Variants in CDH4 observed in about 807,000 individuals in gnomAD.
CDH4 encodes cadherin 4.
CDH4 carries 33 observed loss-of-function variants against 86.0 expected under a neutral mutation model. That is an observed-to-expected ratio of 0.38 (90% CI 0.29 to 0.51). The LOEUF is 0.51. Among genes scored for constraint, CDH4 ranks in the 20% least tolerant of loss-of-function variants. The pLI is 0.86. For missense variants in CDH4, 1,114 were observed against 1,307.4 expected (o/e 0.85, Z 2.28); for synonymous variants, 555 against 549.4 (o/e 1.01, Z -0.14).
At chr20:61,287,602 G>C (rs1186142600) in intron 2 of CDH4, among the ~76,000 whole-genome samples, 1 of 152,176 alleles carries the variant, frequency 6.6e-6, no homozygotes. Context: ...ACAGGGGTGG[G>C]GTGGGAGCCT....
At chr20:61,334,516 A>T (rs2084606692) in intron 2 of CDH4, among the ~76,000 whole-genome samples, 2 of 152,184 alleles carry the variant, frequency 1.3e-5, no homozygotes. Flanking sequence ...GGGGGCTGGG[A>T]TCAAGGCACC....
At chr20:61,258,931 A>T (rs1568770651) in intron 2 of CDH4, among the ~76,000 whole-genome samples, 1 of 152,084 alleles carries the variant, frequency 6.6e-6, no homozygotes. Flanking sequence ...GTCACAGGCC[A>T]CTCTTAGCTA....
At chr20:61,650,181 A>G (rs1276629958) in intron 2 of CDH4, among the ~76,000 whole-genome samples, 1 of 152,206 alleles carries the variant, frequency 6.6e-6, no homozygotes, top group Non-Finnish European at 1.5e-5. Context: ...GCTTTGCTCC[A>G]AATCCATCAG....
intron 5 of CDH4, among the ~76,000 whole-genome samples, chr20:61,848,916 C>T (rs1982586960): frequency 1.3e-5 from 2 of 152,188 alleles, no homozygotes; most frequent in Non-Finnish European, 2.9e-5. Flanking sequence ...TCCCACATCG[C>T]CAGCATCTCT....
chr20:61,723,618 A>C (rs2088069210), intron 2 of CDH4, among the ~76,000 whole-genome samples: 1 of 152,228 alleles, frequency 6.6e-6, no homozygotes, highest in African/African-American at 2.4e-5. Context: ...ATGCATGAGA[A>C]GTGAACGCAC....
At chr20:61,580,476 A>G (rs1416631464) in intron 2 of CDH4, among the ~76,000 whole-genome samples, 1 of 150,046 alleles carries the variant, frequency 6.7e-6, no homozygotes, top group Non-Finnish European at 1.5e-5. Flanking sequence ...ATAAAATAAA[A>G]CCTCTACTTT....
intron 2 of CDH4, among the ~76,000 whole-genome samples, chr20:61,685,831 T>C (rs1326411364): frequency 6.6e-6 from 1 of 152,230 alleles, no homozygotes; most frequent in East Asian, 1.9e-4. Context: ...CACACTTGAT[T>C]CAAAACCTTC....
At chr20:61,735,959 G>A (rs565570193) in intron 2 of CDH4, among the ~76,000 whole-genome samples, 1 of 152,310 alleles carries the variant, frequency 6.6e-6, no homozygotes, top group South Asian at 2.1e-4. Context: ...TGCAAGGCTA[G>A]GAAAGGCCGT....
At chr20:61,621,280 G>A (rs2086775019) in intron 2 of CDH4, among the ~76,000 whole-genome samples, 4 of 152,134 alleles carry the variant, frequency 2.6e-5, no homozygotes, top group South Asian at 2.1e-4. Flanking sequence ...CCTAGAACGC[G>A]CTGTCAAGAT....
chr20:61,938,181 C>T lies in CDH4; in HGVS notation c.*1238C>T, dbSNP rs1004903396. 7 of 152,304 alleles carry T rather than the reference C, an allele frequency of 4.6e-5. No homozygotes were observed. Among genetic ancestry groups the T allele is most frequent in the Admixed American group, 3.9e-4 (6 of 15,294 alleles). 9.4% of individuals were successfully genotyped at this position (152,304 alleles called of 1,614,324 possible). ...GTGCCTCTCCTCTCCTATGGACCCT[C>T]GTCGGGGGCAGGCAGCGGCCGGGTC... On this transcript the variant is annotated 3_prime_UTR_variant, in exon 16 of 16. Coordinates refer to ENST00000614565, the MANE Select transcript of CDH4 (RefSeq NM_001794.5).
At chr20:61,490,374 T>A (rs2085619242) in intron 2 of CDH4, among the ~76,000 whole-genome samples, 1 of 152,134 alleles carries the variant, frequency 6.6e-6, no homozygotes. Context: ...TATAGGCACC[T>A]CTGGAAGAAG....
At position 61,345,038 on chromosome 20, in the gene CDH4, C is replaced by T. The variant is rs552264836; in HGVS notation, c.169+90101C>T. Among the ~76,000 whole-genome samples, 7 of 152,252 alleles carry T rather than the reference C, an allele frequency of 4.6e-5. No individual in the cohort carries two copies. The South Asian group carries it at 1.5e-3, about 32-fold the overall frequency. On this transcript the variant is annotated intron_variant, in intron 2 of 15. Transcript: ENST00000614565. ...CAAGTCCAAGGTAGAGCTACTTATG[C>T]GCAGGTAATAGTGGGGGCAGAAGTG...
chr20:61,689,941 TCAGGC>T lies in CDH4; in HGVS notation c.170-53621_170-53617del, dbSNP rs1465365003. 1.3e-3 allele frequency among the ~76,000 whole-genome samples: 178 copies of T among 141,240 alleles called. 5 individuals carry two copies. Among genetic ancestry groups the T allele is most frequent in the Middle Eastern group, 3.9e-3 (1 of 258 alleles). 92.7% of individuals were successfully genotyped at this position (141,240 alleles called of 152,430 possible). The stretch of plus-strand genomic sequence containing the variant: ...CGGTGGTTGGTGAGGTGATGTGGAA[TCAGGC>T]TGGGACACTGGTTGGTGAGGTGATG... On this transcript the variant is annotated intron_variant, in intron 2 of 15. Coordinates refer to ENST00000614565, the MANE Select transcript of CDH4 (RefSeq NM_001794.5).
chr20:61,562,014 GGA>G (rs1600760226), intron 2 of CDH4, among the ~76,000 whole-genome samples: 15 of 142,472 alleles, frequency 1.1e-4, no homozygotes, highest in South Asian at 2.3e-4. Context: ...CAGGGCTCCC[GGA>G]GAGAGAGAGG....
intron 2 of CDH4, among the ~76,000 whole-genome samples, chr20:61,659,782 C>A (rs1009084795): frequency 6.6e-6 from 1 of 152,176 alleles, no homozygotes; most frequent in Non-Finnish European, 1.5e-5. Context: ...AGGGGTGGGC[C>A]TCCGGCCCAG....
At chr20:61,697,605 G>A (rs1021976200) in intron 2 of CDH4, among the ~76,000 whole-genome samples, 1 of 152,018 alleles carries the variant, frequency 6.6e-6, no homozygotes, top group African/African-American at 2.4e-5. Context: ...CTCGGGGCGG[G>A]GGGAACAAAA....
chr20:61,492,246 G>T (rs572139887), intron 2 of CDH4, among the ~76,000 whole-genome samples: 1 of 151,924 alleles, frequency 6.6e-6, no homozygotes, highest in African/African-American at 2.4e-5. Flanking sequence ...TGTTGATGTT[G>T]CTGATGCTGA....
intron 3 of CDH4, among the ~76,000 whole-genome samples, chr20:61,765,750 G>A (rs117197244): frequency 1.1e-4 from 16 of 152,238 alleles, no homozygotes; most frequent in African/African-American, 2.2e-4. Flanking sequence ...TGACCTGGGC[G>A]GCCTGGAGGC....
chr20:61,693,024 G>C (rs2087676512), intron 2 of CDH4, among the ~76,000 whole-genome samples: 1 of 152,144 alleles, frequency 6.6e-6, no homozygotes, highest in African/African-American at 2.4e-5. Flanking sequence ...GGATGGAGAG[G>C]AGGGAGAATG....
Sources: gnomAD v4.1 joint callset for allele counts (sites outside exome capture counted in the v4.1 genomes callset) on GRCh38, gnomAD v4.1.1 for gene constraint, MANE v1.5 for transcripts, NCBI Gene and HGNC (gene_info 2026-07-23, HGNC 2026-07-21) for gene names.